GSTCD: variants seen among roughly 807,000 people sequenced by gnomAD.
GSTCD encodes glutathione S-transferase C-terminal domain containing, also known as glutathione S-transferase C-terminal domain-containing protein.
In GSTCD, 44 loss-of-function variants were observed where a neutral mutation model predicts 68.3. The ratio of observed to expected loss-of-function variants is 0.64; its 90% CI spans 0.51 to 0.83. The LOEUF (loss-of-function observed/expected upper bound fraction) is 0.83, where lower values mean the gene tolerates loss of function less well. Ranked by LOEUF, GSTCD falls within the 40% of genes least tolerant of loss-of-function variation. The pLI is 0.00. For missense variants in GSTCD, 739 were observed against 735.9 expected (o/e 1.00, Z -0.05); for synonymous variants, 273 against 255.2 (o/e 1.07, Z -0.67).
rs529522040 is a variant in GSTCD, at chr4:105,767,142, T to C, written c.1240+37643T>C. Among the ~76,000 whole-genome samples the C allele has an allele frequency of 3.9e-5, 6 of 152,034 alleles. No individual in the cohort carries two copies. In the South Asian group the frequency reaches 1.2e-3, roughly 32 times the overall value. On this transcript the variant is annotated intron_variant, in intron 5 of 11. Coordinates refer to ENST00000515279, the MANE Select transcript of GSTCD (RefSeq NM_001370181.1). ...GAAGGTGATGTGCAGAAAATGGAAG[T>C]GAGGAACAGAAACAGCTAGATTGGT...
intron 3 of GSTCD, among the ~76,000 whole-genome samples, chr4:105,726,290 T>G (rs559699894): frequency 6.6e-6 from 1 of 152,244 alleles, no homozygotes; most frequent in Admixed American, 6.5e-5. Context: ...TATGATTCCA[T>G]TTGTATGAAA....
intron 5 of GSTCD, among the ~76,000 whole-genome samples, chr4:105,736,034 TTGGTTTTAAGCTAAA>T (rs142999757): frequency 0.053 from 8,138 of 152,284 alleles, 247 homozygotes; most frequent in Middle Eastern, 0.14. Flanking sequence ...GTTTTATTGT[TTGGTTTTAAGCTAAA>T]TGATTATATT....
At chr4:105,737,095 G>A (rs924445864) in intron 5 of GSTCD, among the ~76,000 whole-genome samples, 1 of 151,958 alleles carries the variant, frequency 6.6e-6, no homozygotes, top group Admixed American at 6.6e-5. Context: ...CTTTTCTTTT[G>A]GATATATATC....
chr4:105,744,701 A>ATC (rs1195152045), intron 5 of GSTCD, among the ~76,000 whole-genome samples: 1 of 152,160 alleles, frequency 6.6e-6, no homozygotes, highest in Admixed American at 6.5e-5. Context: ...ATAACAACAT[A>ATC]TTACAGGCTT....
At chr4:105,784,199 G>A (rs1156287372) in intron 5 of GSTCD, among the ~76,000 whole-genome samples, 1 of 152,110 alleles carries the variant, frequency 6.6e-6, no homozygotes, top group Non-Finnish European at 1.5e-5. Flanking sequence ...GTTTTTTGTT[G>A]CTGTAACAGA....
chr4:105,823,949 CA>C (rs767274697), intron 7 of GSTCD, among the ~76,000 whole-genome samples: 4 of 152,118 alleles, frequency 2.6e-5, no homozygotes, highest in Non-Finnish European at 5.9e-5. Context: ...ATCATTGCCA[CA>C]ATTTGTTAGA....
At chr4:105,733,766 A>G (rs2149215493) in intron 5 of GSTCD, among the ~76,000 whole-genome samples, 1 of 152,290 alleles carries the variant, frequency 6.6e-6, no homozygotes, top group Middle Eastern at 3.4e-3. Flanking sequence ...TAGTTGATGC[A>G]GTTTCTTCCT....
intron 8 of GSTCD, among the ~76,000 whole-genome samples, chr4:105,827,524 A>C (rs1375429439): frequency 6.6e-6 from 1 of 152,208 alleles, no homozygotes; most frequent in Admixed American, 6.5e-5. Context: ...TTAAATTAAA[A>C]GTAGATTCAC....
rs182283313 is a variant in GSTCD at position 105,788,242 on chromosome 4, A to G, written c.1241-34712A>G. Among the ~76,000 whole-genome samples the G allele has an allele frequency of 4.1e-4, 62 of 152,172 alleles. 2 individuals carry two copies. Among genetic ancestry groups the G allele is most frequent in the African/African-American group, 1.5e-3 (62 of 41,462 alleles). ...TTACATTTTTAAATATTTAGAAGTTATATTTCCTACATTTTCCATTAGATT... is the reference window on the plus strand; with the variant it reads ...TTACATTTTTAAATATTTAGAAGTTGTATTTCCTACATTTTCCATTAGATT... On this transcript the variant is annotated intron_variant, in intron 5 of 11. Coordinates refer to ENST00000515279, the MANE Select transcript of GSTCD (RefSeq NM_001370181.1).
intron 5 of GSTCD, among the ~76,000 whole-genome samples, chr4:105,806,792 A>G (rs1260489559): frequency 2.0e-5 from 3 of 152,122 alleles, no homozygotes; most frequent in Non-Finnish European, 1.5e-5. Flanking sequence ...ATCAGTAAAC[A>G]CACCAACATA....
intron 5 of GSTCD, among the ~76,000 whole-genome samples, chr4:105,768,193 A>G (rs550922735): frequency 1.3e-5 from 2 of 151,700 alleles, no homozygotes; most frequent in Non-Finnish European, 2.9e-5. Context: ...ACGCCCGGCT[A>G]ATTTTTTTTG....
chr4:105,790,242 C>T (rs539501889), intron 5 of GSTCD, among the ~76,000 whole-genome samples: 1 of 152,010 alleles, frequency 6.6e-6, no homozygotes, highest in Non-Finnish European at 1.5e-5. Context: ...ACAATAAACT[C>T]ATATTTTTAA....
intron 5 of GSTCD, among the ~76,000 whole-genome samples, chr4:105,771,898 T>C (rs1413246125): frequency 6.6e-6 from 1 of 152,212 alleles, no homozygotes; most frequent in Non-Finnish European, 1.5e-5. Context: ...TTTTTTCTAA[T>C]TCTGTGAAGA....
chr4:105,836,054 A>C (rs1724105822), intron 9 of GSTCD, among the ~76,000 whole-genome samples: 1 of 152,070 alleles, frequency 6.6e-6, no homozygotes, highest in South Asian at 2.1e-4. Context: ...TGCAACCCTC[A>C]GCAGAGAAGA....
intron 5 of GSTCD, among the ~76,000 whole-genome samples, chr4:105,806,222 C>G (rs1281254111): frequency 1.3e-5 from 2 of 152,020 alleles, no homozygotes; most frequent in African/African-American, 4.8e-5. Flanking sequence ...ATAAGACTAA[C>G]TTAGATATCT....
intron 5 of GSTCD, among the ~76,000 whole-genome samples, chr4:105,751,747 G>A (rs923341397): frequency 1.3e-5 from 2 of 151,854 alleles, no homozygotes; most frequent in Non-Finnish European, 2.9e-5. Context: ...GAGAAGTAGG[G>A]GAAATTCTTT....
rs1733039442 is a variant in GSTCD, at chr4:105,726,503, G to A, written c.895-76G>A. On this transcript the variant is annotated intron_variant, in intron 3 of 11. Coordinates refer to ENST00000515279, the MANE Select transcript of GSTCD (RefSeq NM_001370181.1). The stretch of plus-strand genomic sequence containing the variant: ...TACACTTAAATGTGTGAATGTTGTG[G>A]TTTGTAAAGTTACCTCAACACAGCT... 4 of 893,336 alleles carry A rather than the reference G, an allele frequency of 4.5e-6. No homozygotes were observed. In the South Asian group the frequency reaches 5.6e-5, roughly 12 times the overall value. The allele number at this position is 893,336 out of a possible 1,614,324, so 55.3% of individuals were successfully genotyped here.
chr4:105,724,146 GTCATAATCTGT>G (rs1051031343), intron 3 of GSTCD, among the ~76,000 whole-genome samples: 10 of 151,570 alleles, frequency 6.6e-5, no homozygotes, highest in African/African-American at 1.9e-4. Flanking sequence ...TTATTTAAAG[GTCATAATCTGT>G]TCATAATCTG....
Position 105,784,854 on chromosome 4 carries a change from G to A in GSTCD, c.1241-38100G>A, listed in dbSNP as rs115099194. Among the ~76,000 whole-genome samples the A allele has an allele frequency of 4.1e-3, 618 of 152,142 alleles. 5 individuals carry two copies. Among genetic ancestry groups the A allele is most frequent in the African/African-American group, 0.014 (597 of 41,486 alleles). Reference sequence around the variant, plus strand: ...GCCCCTTCAAACTAACTCCTGCATCGTTTTGACATGTTCTCATCACTCCTG... The same window carrying A: ...GCCCCTTCAAACTAACTCCTGCATCATTTTGACATGTTCTCATCACTCCTG... On this transcript the variant is annotated intron_variant, in intron 5 of 11. Coordinates refer to ENST00000515279, the MANE Select transcript of GSTCD (RefSeq NM_001370181.1).
Sources: allele counts gnomAD v4.1 joint callset (sites outside exome capture counted in the v4.1 genomes callset), GRCh38; gene constraint gnomAD v4.1.1; transcripts MANE v1.5; gene names NCBI Gene and HGNC (gene_info 2026-07-23, HGNC 2026-07-21).